OR4D9: variants seen among roughly 807,000 people sequenced by gnomAD.
OR4D9 encodes the protein olfactory receptor 4D9.
A neutral mutation model predicts 0.8 loss-of-function variants in OR4D9; 2 were observed. The ratio of observed to expected loss-of-function variants is 2.58; its 90% confidence interval spans 1.06 to 8.13. OR4D9 has a LOEUF of 8.13. Among genes scored for constraint, OR4D9 ranks in the 30% most tolerant of loss-of-function variants. The pLI, the probability that OR4D9 is intolerant of heterozygous loss-of-function variation, is 0.04. For synonymous variants in OR4D9, 146 were observed against 151.2 expected, an observed-to-expected ratio of 0.97 and a Z score of 0.25; for missense variants, 399 against 384.7, an observed-to-expected ratio of 1.04 and a Z score of -0.31.
Position 59,519,199 on chromosome 11 carries a change from A to C in OR4D9, c.*3342A>C, listed in dbSNP as rs1296689955. The C allele has an allele frequency of 6.6e-6, 1 of 152,142 alleles. No individual in the cohort carries two copies. Among genetic ancestry groups the C allele is most frequent in the East Asian group, 1.9e-4 (1 of 5,172 alleles). The allele number at this position is 152,142 out of a possible 1,614,324, so 9.4% of individuals were successfully genotyped here. On this transcript the variant is annotated 3_prime_UTR_variant, in exon 3 of 3. Transcript: ENST00000641962. ...AAAACCCCATCTCTACAAAAAATAT[A>C]AAAATTAGCAGAGCATGGTGGCACA...
Position 59,511,589 on chromosome 11 carries a change from G to C in OR4D9, c.-282G>C, listed in dbSNP as rs1859328730. On this transcript the variant is annotated 5_prime_UTR_variant, in exon 1 of 3. Transcript: ENST00000641962. The stretch of plus-strand genomic sequence containing the variant: ...CTAAAATGCAGCTGAGGCATCATAA[G>C]AGGATCAATTTCCCACTTAAAGATT... 1 of 152,228 alleles carries C rather than the reference G, an allele frequency of 6.6e-6. No homozygotes were observed. The highest frequency in any genetic ancestry group is 6.5e-5 in the Admixed American group (1 of 15,282). The allele number at this position is 152,228 out of a possible 1,614,324, so 9.4% of individuals were successfully genotyped here.
rs76175424 is a variant in OR4D9, at chr11:59,515,212, A to G, written c.300A>G (p.Gln100=). ...KTISFSGCVT[Q]MFFFHLLGGA... ...TCTCCTTCAGTGGCTGTGTCACTCA[A>G]ATGTTCTTCTTCCACCTTCTGGGGG... Residue 100 remains glutamine (Q), a synonymous_variant, in exon 3 of 3, where the codon CAA becomes CAG. Transcript: ENST00000641962. 9,931 of 1,613,810 alleles carry G rather than the reference A, an allele frequency of 6.2e-3. 542 individuals carry two copies. The African/African-American group carries it at 0.11, about 18-fold the overall frequency.
chr11:59,514,930 C>T lies in OR4D9; in HGVS notation c.18C>T (p.Tyr6=), dbSNP rs1184472794. The change falls in exon 3 of 3, where the codon TAC becomes TAT. Residue 6 remains tyrosine (Y), a synonymous_variant. Transcript: ENST00000641962. The stretch of plus-strand genomic sequence containing the variant: ...GTGATTCAATGGATCAGAGAAATTA[C>T]ACCAGAGTGAAAGAATTTACCTTCC... The part of the protein sequence containing the change: MDQRN[Y]TRVKEFTFLG... The T allele has an allele frequency of 1.2e-6, 2 of 1,609,656 alleles. No individual in the cohort carries two copies. The highest frequency in any genetic ancestry group is 1.7e-5 in the Admixed American group (1 of 59,796).
rs1317375312 is a variant in OR4D9, at chr11:59,517,910, A to T, written c.*2053A>T. 1 of 152,172 alleles carries T rather than the reference A, an allele frequency of 6.6e-6. No individual in the cohort carries two copies. Among genetic ancestry groups the T allele is most frequent in the Non-Finnish European group, 1.5e-5 (1 of 68,030 alleles). The allele number at this position is 152,172 out of a possible 1,614,324, so 9.4% of individuals were successfully genotyped here. On this transcript the variant is annotated 3_prime_UTR_variant, in exon 3 of 3. Transcript: ENST00000641962. ...TTGAGAAAAAAATGAGCAAAGGCAG[A>T]TGCCAAGCTCTCAAATGGGAAGCAA...
chr11:59,515,247 T>A lies in OR4D9; in HGVS notation c.335T>A (p.Val112Asp). 6.2e-7 allele frequency: 1 copy of A among 1,613,272 alleles called. No homozygotes were observed. The highest frequency in any genetic ancestry group is 8.5e-7 in the Non-Finnish European group (1 of 1,179,820). Reference protein sequence around the residue: ...FFFHLLGGADVFSLSVMAFDR... With the variant: ...FFFHLLGGADDFSLSVMAFDR... ...TTCCACCTTCTGGGGGGAGCAGACG[T>A]TTTTTCTCTCTCTGTGATGGCGTTT... The change falls in exon 3 of 3, where the codon GTT becomes GAT. Residue 112 changes from valine (V) to aspartate (D), a missense_variant. Coordinates refer to ENST00000641962, the MANE Select transcript of OR4D9 (RefSeq NM_001004711.2).
chr11:59,514,947 T>C lies in OR4D9; in HGVS notation c.35T>C (p.Phe12Ser), dbSNP rs1211830267. The C allele has an allele frequency of 5.6e-6, 9 of 1,613,244 alleles. No individual in the cohort carries two copies. Among genetic ancestry groups the C allele is most frequent in the Non-Finnish European group, 7.6e-6 (9 of 1,179,574 alleles). Residue 12 changes from phenylalanine to serine, a missense_variant, in exon 3 of 3, where the codon TTT (phenylalanine) becomes TCT (serine). By Grantham distance (155) the Phe-to-Ser change is radical (BLOSUM62 -2). Coordinates refer to ENST00000641962, the MANE Select transcript of OR4D9 (RefSeq NM_001004711.2). ...AGAAATTACACCAGAGTGAAAGAAT[T>C]TACCTTCCTGGGAATTACTCAGTCC... ...DQRNYTRVKE[F>S]TFLGITQSRE...
rs1285797236 is a variant in OR4D9, at chr11:59,520,028, G to A, written c.*4171G>A. 2 of 152,150 alleles carry A rather than the reference G, an allele frequency of 1.3e-5. No individual in the cohort carries two copies. Among genetic ancestry groups the A allele is most frequent in the Non-Finnish European group, 2.9e-5 (2 of 68,030 alleles). 9.4% of individuals were successfully genotyped at this position (152,150 alleles called of 1,614,324 possible). A position where few individuals can be genotyped will look rare whatever the true frequency, so the allele number is the denominator to read the frequency against. On this transcript the variant is annotated 3_prime_UTR_variant, in exon 3 of 3. Transcript: ENST00000641962. ...CGATTTACACATGGACACAAAGATG[G>A]GAACAAAAGACACTGAGGCCTACTT...
chr11:59,515,070 C>G lies in OR4D9; in HGVS notation c.158C>G (p.Ser53Cys), dbSNP rs1859382556. 1 of 1,614,010 alleles carries G rather than the reference C, an allele frequency of 6.2e-7. No homozygotes were observed. The highest frequency in any genetic ancestry group is 1.3e-5 in the African/African-American group (1 of 74,914). Reference protein sequence around the residue: ...FLIMVTVTCESHLHTPMYFLL... With the variant: ...FLIMVTVTCECHLHTPMYFLL... ...ATCATGGTTACAGTTACCTGTGAAT[C>G]TCACCTTCATACGCCCATGTACTTC... is the stretch of plus-strand genomic sequence containing the variant. The change falls in exon 3 of 3, where the codon TCT becomes TGT. Residue 53 changes from serine to cysteine, a missense_variant. Coordinates refer to ENST00000641962, the MANE Select transcript of OR4D9 (RefSeq NM_001004711.2).
In OR4D9 at chr11:59,519,705, T is replaced by C. The variant is rs1859452386; in HGVS notation, c.*3848T>C. The stretch of plus-strand genomic sequence containing the variant: ...CCAAAACTACCATTTGACGCAGCAA[T>C]CCCATTGCTGGGTATATACCCAAAA... On this transcript the variant is annotated 3_prime_UTR_variant, in exon 3 of 3. Transcript: ENST00000641962. The C allele has an allele frequency of 6.6e-6, 1 of 152,144 alleles. No homozygotes were observed. Among genetic ancestry groups the C allele is most frequent in the Non-Finnish European group, 1.5e-5 (1 of 68,038 alleles). The allele number at this position is 152,144 out of a possible 1,614,324, so 9.4% of individuals were successfully genotyped here. A position where few individuals can be genotyped will look rare whatever the true frequency, so the allele number is the denominator to read the frequency against.
chr11:59,512,390 T>C (rs1437398598), intron 1 of OR4D9, among the ~76,000 whole-genome samples: 1 of 127,656 alleles, frequency 7.8e-6, no homozygotes, highest in Non-Finnish European at 1.6e-5. Context: ...GGCAGGAGAA[T>C]GGCGTGAACT....
rs1420734361 is a variant in OR4D9, at chr11:59,516,253, A to C, written c.*396A>C. Reference sequence around the variant, plus strand: ...TCCCAGCACTTTGGGAGGCCAAGGCAGGCAGATGACCTGAGGTCGGGAGTT... The same window carrying C: ...TCCCAGCACTTTGGGAGGCCAAGGCCGGCAGATGACCTGAGGTCGGGAGTT... On this transcript the variant is annotated 3_prime_UTR_variant, in exon 3 of 3. Coordinates refer to ENST00000641962, the MANE Select transcript of OR4D9 (RefSeq NM_001004711.2). 1.9e-5 allele frequency: 3 copies of C among 160,346 alleles called. No homozygotes were observed. The highest frequency in any genetic ancestry group is 4.1e-5 in the Non-Finnish European group (3 of 73,174). 9.9% of individuals were successfully genotyped at this position (160,346 alleles called of 1,614,324 possible). A position where few individuals can be genotyped will look rare whatever the true frequency, so the allele number is the denominator to read the frequency against.
At chr11:59,512,918 A>C (rs1185642309) in intron 1 of OR4D9, among the ~76,000 whole-genome samples, 1 of 152,220 alleles carries the variant, frequency 6.6e-6, no homozygotes, top group Non-Finnish European at 1.5e-5. Context: ...GTAACTTATA[A>C]AAGTGAGTGG....
chr11:59,515,289 T>C lies in OR4D9; in HGVS notation c.377T>C (p.Ile126Thr). ...ATGGCGTTTGACCGCTATATAGCCA[T>C]CTCCAAGCCCCTGCACTATATGACC... ...SVMAFDRYIA[I>T]SKPLHYMTIM... The change falls in exon 3 of 3, where the codon ATC (isoleucine) becomes ACC (threonine). Residue 126 changes from isoleucine to threonine, a missense_variant. By Grantham distance (89) the Ile-to-Thr change is moderately conservative. Coordinates refer to ENST00000641962, the MANE Select transcript of OR4D9 (RefSeq NM_001004711.2). 1.2e-6 allele frequency: 2 copies of C among 1,612,024 alleles called. No individual in the cohort carries two copies. The highest frequency in any genetic ancestry group is 1.7e-6 in the Non-Finnish European group (2 of 1,179,210).
In OR4D9 at chr11:59,519,366, A is replaced by AT. The variant is rs1859446419; in HGVS notation, c.*3509_*3510insT. ...GAGACCCTGTCTCAAAAAAAAAAAA[A>AT]GAAAAAGTTTGCTGGAAAGGCAACT... On this transcript the variant is annotated 3_prime_UTR_variant, in exon 3 of 3. Coordinates refer to ENST00000641962, the MANE Select transcript of OR4D9 (RefSeq NM_001004711.2). 1.3e-5 allele frequency: 2 copies of AT among 152,116 alleles called. No individual in the cohort carries two copies. Among genetic ancestry groups the AT allele is most frequent in the South Asian group, 4.2e-4 (2 of 4,814 alleles). The allele number at this position is 152,116 out of a possible 1,614,324, so 9.4% of individuals were successfully genotyped here.
At position 59,515,253 on chromosome 11, in the gene OR4D9, C is replaced by A. The variant is rs1284858227; in HGVS notation, c.341C>A (p.Ser114Tyr). Reference sequence around the variant, plus strand: ...CTTCTGGGGGGAGCAGACGTTTTTTCTCTCTCTGTGATGGCGTTTGACCGC... The same window carrying A: ...CTTCTGGGGGGAGCAGACGTTTTTTATCTCTCTGTGATGGCGTTTGACCGC... ...FHLLGGADVFSLSVMAFDRYI... is the reference protein window; with the variant it reads ...FHLLGGADVFYLSVMAFDRYI... Residue 114 changes from serine to tyrosine, a missense_variant, in exon 3 of 3, where the codon TCT becomes TAT. Physicochemically the swap from Ser to Tyr is moderately radical, Grantham distance 144 (BLOSUM62 -2). Transcript: ENST00000641962. The A allele has an allele frequency of 6.2e-6, 10 of 1,612,332 alleles. No homozygotes were observed. The highest frequency in any genetic ancestry group is 3.3e-5 in the Admixed American group (2 of 59,752).
At chr11:59,512,723 T>C (rs1238017529) in intron 1 of OR4D9, among the ~76,000 whole-genome samples, 1 of 149,374 alleles carries the variant, frequency 6.7e-6, no homozygotes, top group Admixed American at 6.7e-5. Context: ...TCCCAGCTAC[T>C]GGGGAGGCTG....
At chr11:59,512,359 C>T (rs1404287589) in intron 1 of OR4D9, among the ~76,000 whole-genome samples, 1 of 135,768 alleles carries the variant, frequency 7.4e-6, no homozygotes, top group Non-Finnish European at 1.5e-5. Flanking sequence ...AGCCTGTAGT[C>T]CCAGCTACTC....
In OR4D9 at chr11:59,520,666, A is replaced by T. The variant is rs865961803; in HGVS notation, c.*4809A>T. On this transcript the variant is annotated 3_prime_UTR_variant, in exon 3 of 3. Coordinates refer to ENST00000641962, the MANE Select transcript of OR4D9 (RefSeq NM_001004711.2). ...TCAATTGAGGAGATAATAGGGTTTT[A>T]TTTTTTCTTTTCCTTGCAATGATTG... is the stretch of plus-strand genomic sequence containing the variant. The T allele has an allele frequency of 7.2e-5, 11 of 152,046 alleles. No homozygotes were observed. Among genetic ancestry groups the T allele is most frequent in the African/African-American group, 2.7e-4 (11 of 41,474 alleles). 9.4% of individuals were successfully genotyped at this position (152,046 alleles called of 1,614,324 possible).
intron 1 of OR4D9, among the ~76,000 whole-genome samples, chr11:59,513,215 C>T (rs1859352984): frequency 6.6e-6 from 1 of 152,090 alleles, no homozygotes; most frequent in Non-Finnish European, 1.5e-5. Context: ...GCTGGGACTA[C>T]AGGCGTGTGC....
Sources: gnomAD v4.1 joint callset for allele counts (sites outside exome capture counted in the v4.1 genomes callset) on GRCh38, gnomAD v4.1.1 for gene constraint, MANE v1.5 for transcripts, NCBI Gene and HGNC (gene_info 2026-07-23, HGNC 2026-07-21) for gene names.